The following ZEB1 variants were observed in gnomAD, a reference collection of about 807,000 sequenced individuals.
ZEB1 encodes zinc finger E-box-binding homeobox 1.
In ZEB1, 21 loss-of-function variants were observed where a neutral mutation model predicts 84.9. The observed-to-expected ratio is 0.25, with a 90% CI of 0.18 to 0.36. The LOEUF (loss-of-function observed/expected upper bound fraction) is 0.36, where lower values mean the gene tolerates loss of function less well. Among genes scored for constraint, ZEB1 ranks in the 10% least tolerant of loss-of-function variants. The pLI is 1.00. For synonymous variants in ZEB1, 420 were observed against 471.1 expected (o/e 0.89, Z 1.41); for missense variants, 1,104 against 1,330.2 (o/e 0.83, Z 2.65).
intron 2 of ZEB1, among the ~76,000 whole-genome samples, chr10:31,463,857 C>G (rs1006325718): frequency 6.6e-6 from 1 of 152,146 alleles, no homozygotes; most frequent in Non-Finnish European, 1.5e-5. Context: ...CTATAGAAGT[C>G]TCCCAAATAA....
intron 1 of ZEB1, among the ~76,000 whole-genome samples, chr10:31,383,104 A>G (rs1238196358): frequency 6.6e-6 from 1 of 151,840 alleles, no homozygotes; most frequent in Non-Finnish European, 1.5e-5. Context: ...ATATATATAT[A>G]TAAAATGCCC....
chr10:31,479,669 A>G (rs1318176576), intron 2 of ZEB1, among the ~76,000 whole-genome samples: 1 of 151,996 alleles, frequency 6.6e-6, no homozygotes, highest in African/African-American at 2.4e-5. Context: ...TCAAAGATCT[A>G]AATTATATTG....
In ZEB1 at chr10:31,409,469, G is replaced by T. The variant is rs534900798; in HGVS notation, c.59-51568G>T. ...TGATGCCTTCAGCTTTGTTCTTTTG[G>T]CTTAGGATTGTCTTGGCTATACGGG... On this transcript the variant is annotated intron_variant, in intron 1 of 8. Coordinates refer to ENST00000424869, the MANE Select transcript of ZEB1 (RefSeq NM_001174096.2). Among the ~76,000 whole-genome samples the T allele has an allele frequency of 5.9e-5, 9 of 152,208 alleles. No homozygotes were observed. The East Asian group carries it at 1.2e-3, about 20-fold the overall frequency.
chr10:31,389,347 T>TAC (rs2049206446), intron 1 of ZEB1, among the ~76,000 whole-genome samples: 1 of 152,166 alleles, frequency 6.6e-6, no homozygotes, highest in African/African-American at 2.4e-5. Context: ...TGTGTACATA[T>TAC]ACACATACCT....
intron 1 of ZEB1, among the ~76,000 whole-genome samples, chr10:31,335,137 A>G (rs760337015): frequency 1.3e-5 from 2 of 152,144 alleles, no homozygotes; most frequent in African/African-American, 4.8e-5. Flanking sequence ...GTGGTTACCT[A>G]TGCTCAATCA....
At chr10:31,392,140 G>C (rs1304562291) in intron 1 of ZEB1, among the ~76,000 whole-genome samples, 1 of 152,104 alleles carries the variant, frequency 6.6e-6, no homozygotes, top group Non-Finnish European at 1.5e-5. Flanking sequence ...GCTTTCTTCT[G>C]TTCTGCCCTT....
chr10:31,412,687 A>T (rs2054525096), intron 1 of ZEB1, among the ~76,000 whole-genome samples: 2 of 152,116 alleles, frequency 1.3e-5, no homozygotes, highest in South Asian at 4.1e-4. Context: ...CCTCTTTAAG[A>T]CTGCTTATAG....
intron 1 of ZEB1, among the ~76,000 whole-genome samples, chr10:31,441,152 A>G (rs1032316565): frequency 6.6e-6 from 1 of 152,238 alleles, no homozygotes; most frequent in Non-Finnish European, 1.5e-5. Context: ...CCTGACTTCA[A>G]ACTATACTAC....
intron 1 of ZEB1, chr10:31,321,567 C>A (rs762396629): frequency 2.0e-5 from 33 of 1,613,852 alleles, no homozygotes; most frequent in Non-Finnish European, 2.7e-5. Flanking sequence ...TCGCTTTTTA[C>A]CTTATTTAAA....
At chr10:31,322,894 T>G (rs1394376949) in intron 1 of ZEB1, among the ~76,000 whole-genome samples, 1 of 152,130 alleles carries the variant, frequency 6.6e-6, no homozygotes, top group African/African-American at 2.4e-5. Flanking sequence ...TAGAGGATGC[T>G]AACAAAAATG....
intron 1 of ZEB1, among the ~76,000 whole-genome samples, chr10:31,362,305 GCC>G (rs2043346898): frequency 7.8e-6 from 1 of 128,058 alleles, no homozygotes; most frequent in Non-Finnish European, 1.7e-5. Context: ...GCAGAGGCGC[GCC>G]TCACTTCCCG....
Position 31,359,399 on chromosome 10 carries a change from T to C in ZEB1, c.58+40107T>C, listed in dbSNP as rs1465090634. ...GAAAGAGAGGGAAAGAAGAAAGGAG[T>C]ACATTGGAGTAACAAAAATTCCACC... is the stretch of plus-strand genomic sequence containing the variant. On this transcript the variant is annotated intron_variant, in intron 1 of 8. Transcript: ENST00000424869. Among the ~76,000 whole-genome samples, 4 of 151,930 alleles carry C rather than the reference T, an allele frequency of 2.6e-5. No homozygotes were observed. In the South Asian group the frequency reaches 8.3e-4, roughly 32 times the overall value.
At chr10:31,480,778 G>T (rs1025134333) in intron 2 of ZEB1, among the ~76,000 whole-genome samples, 1 of 151,940 alleles carries the variant, frequency 6.6e-6, no homozygotes, top group Non-Finnish European at 1.5e-5. Context: ...AGTGTGTATA[G>T]GTCTTTTGGT....
intron 1 of ZEB1, among the ~76,000 whole-genome samples, chr10:31,400,937 C>G (rs576007557): frequency 1.3e-5 from 2 of 152,124 alleles, no homozygotes; most frequent in African/African-American, 2.4e-5. Context: ...ACATACATTT[C>G]TTCATGTTTC....
chr10:31,323,460 A>C (rs2034641350), intron 1 of ZEB1, among the ~76,000 whole-genome samples: 2 of 152,078 alleles, frequency 1.3e-5, no homozygotes, highest in South Asian at 4.1e-4. Context: ...GCAGTCACTT[A>C]GATGTTAGTG....
chr10:31,468,262 C>T (rs773316894), intron 2 of ZEB1, among the ~76,000 whole-genome samples: 2 of 152,106 alleles, frequency 1.3e-5, no homozygotes, highest in African/African-American at 4.8e-5. Flanking sequence ...GAGCTCCACA[C>T]CCCCCACCCA....
intron 1 of ZEB1, among the ~76,000 whole-genome samples, chr10:31,374,470 G>A (rs2046255278): frequency 6.6e-6 from 1 of 151,730 alleles, no homozygotes. Context: ...ACCCATTTAG[G>A]TAGGTGCTGA....
At chr10:31,363,963 C>G (rs1490204054) in intron 1 of ZEB1, 1 of 1,293,214 alleles carries the variant, frequency 7.7e-7, no homozygotes, top group Non-Finnish European at 9.9e-7. Flanking sequence ...CTGGGAAGGC[C>G]TCACGGACAA....
chr10:31,331,482 G>T (rs2036779725), intron 1 of ZEB1, among the ~76,000 whole-genome samples: 1 of 152,132 alleles, frequency 6.6e-6, no homozygotes, highest in Non-Finnish European at 1.5e-5. Flanking sequence ...TTCATCTGTG[G>T]GATGAATATG....
Sources: gnomAD v4.1 joint callset for allele counts (sites outside exome capture counted in the v4.1 genomes callset) on GRCh38, gnomAD v4.1.1 for gene constraint, MANE v1.5 for transcripts, NCBI Gene and HGNC (gene_info 2026-07-23, HGNC 2026-07-21) for gene names.